The following TACR1 variants were observed in gnomAD, a reference collection of about 807,000 sequenced individuals.
TACR1 encodes the protein substance-P receptor.
A neutral mutation model predicts 35.8 loss-of-function variants in TACR1; 25 were observed. The ratio of observed to expected loss-of-function variants is 0.70; its 90% CI spans 0.51 to 0.98. TACR1 has a LOEUF of 0.98. TACR1 is among the 50% of genes least tolerant of loss of function. The pLI is 0.00. For synonymous variants in TACR1, 195 were observed against 206.7 expected (o/e 0.94, Z 0.48); for missense variants, 478 against 522.9 (o/e 0.91, Z 0.84).
intron 2 of TACR1, among the ~76,000 whole-genome samples, chr2:75,115,470 C>T (rs1361977474): frequency 6.6e-6 from 1 of 152,070 alleles, no homozygotes; most frequent in Admixed American, 6.5e-5. Flanking sequence ...AGATTTTATG[C>T]TATAGGTATT....
chr2:75,154,414 A>G (rs78101006), intron 1 of TACR1: 22,808 of 77,228 alleles, frequency 0.3, 5,040 homozygotes, highest in African/African-American at 0.48. Flanking sequence ...GCGCACGCAC[A>G]CACACACACA....
At chr2:75,063,801 A>C (rs1672712514) in intron 2 of TACR1, among the ~76,000 whole-genome samples, 1 of 152,236 alleles carries the variant, frequency 6.6e-6, no homozygotes, top group Admixed American at 6.5e-5. Flanking sequence ...GTAGGACTTT[A>C]ATCGTTGAAC....
chr2:75,195,659 T>C (rs1280517374), intron 1 of TACR1, among the ~76,000 whole-genome samples: 1 of 151,926 alleles, frequency 6.6e-6, no homozygotes, highest in Non-Finnish European at 1.5e-5. Context: ...TTGGGATCTA[T>C]CTTAAGAAAA....
At chr2:75,134,565 T>C (rs114063455) in intron 1 of TACR1, among the ~76,000 whole-genome samples, 3,660 of 152,170 alleles carry the variant, frequency 0.024, 60 homozygotes, top group Middle Eastern at 0.085. Context: ...GGAGGTGACA[T>C]TTGAATTTGA....
chr2:75,065,864 A>G (rs1042445590), intron 2 of TACR1, among the ~76,000 whole-genome samples: 1 of 152,126 alleles, frequency 6.6e-6, no homozygotes, highest in Non-Finnish European at 1.5e-5. Context: ...AAGCACTTAA[A>G]ATAATCAAAA....
intron 2 of TACR1, among the ~76,000 whole-genome samples, chr2:75,101,109 A>G (rs993103256): frequency 1.3e-5 from 2 of 152,180 alleles, no homozygotes; most frequent in Non-Finnish European, 2.9e-5. Flanking sequence ...CAGGCAGAGG[A>G]CAAGTTGATT....
At chr2:75,152,745 C>A (rs1233964350) in intron 1 of TACR1, among the ~76,000 whole-genome samples, 2 of 152,206 alleles carry the variant, frequency 1.3e-5, no homozygotes, top group Non-Finnish European at 2.9e-5. Flanking sequence ...TAGATCACAG[C>A]TCTCTTAGTC....
At chr2:75,064,145 C>G (rs1485444777) in intron 2 of TACR1, among the ~76,000 whole-genome samples, 2 of 151,782 alleles carry the variant, frequency 1.3e-5, no homozygotes, top group African/African-American at 2.4e-5. Context: ...GCTCAAGAGT[C>G]TGGGAATGCT....
intron 1 of TACR1, among the ~76,000 whole-genome samples, chr2:75,196,759 C>T (rs1676005169): frequency 6.6e-6 from 1 of 152,164 alleles, no homozygotes; most frequent in South Asian, 2.1e-4. Context: ...CCATCAGCTA[C>T]TGAATGCTCC....
At chr2:75,145,714 A>T (rs1002870540) in intron 1 of TACR1, among the ~76,000 whole-genome samples, 12 of 152,264 alleles carry the variant, frequency 7.9e-5, no homozygotes, top group Non-Finnish European at 1.8e-4. Flanking sequence ...AAGAAATAGA[A>T]ATTTGAGTAA....
At chr2:75,083,123 C>T (rs551114026) in intron 2 of TACR1, among the ~76,000 whole-genome samples, 9 of 152,282 alleles carry the variant, frequency 5.9e-5, no homozygotes, top group South Asian at 4.1e-4. Flanking sequence ...GGAAGGGATC[C>T]GGTTTCAGTT....
At chr2:75,179,886 T>C (rs1003344185) in intron 1 of TACR1, among the ~76,000 whole-genome samples, 7 of 152,162 alleles carry the variant, frequency 4.6e-5, no homozygotes, top group African/African-American at 1.7e-4. Context: ...GATAAAGCCA[T>C]TGAGATTTGG....
intron 1 of TACR1, among the ~76,000 whole-genome samples, chr2:75,186,240 C>T (rs1232389984): frequency 6.6e-6 from 1 of 151,812 alleles, no homozygotes; most frequent in Non-Finnish European, 1.5e-5. Flanking sequence ...GGTTTGGTGG[C>T]TCGCGCCTGT....
At chr2:75,138,018 G>T (rs1469678340) in intron 1 of TACR1, among the ~76,000 whole-genome samples, 1 of 152,176 alleles carries the variant, frequency 6.6e-6, no homozygotes, top group Non-Finnish European at 1.5e-5. Context: ...GGATAAAACG[G>T]CACTGACTCA....
chr2:75,095,132 T>C (rs1218563603), intron 2 of TACR1, among the ~76,000 whole-genome samples: 1 of 152,024 alleles, frequency 6.6e-6, no homozygotes, highest in Non-Finnish European at 1.5e-5. Context: ...CTGTGTTTAG[T>C]ACATGGTAAG....
intron 1 of TACR1, among the ~76,000 whole-genome samples, chr2:75,157,814 A>T (rs889326452): frequency 1.3e-5 from 2 of 152,252 alleles, no homozygotes; most frequent in Non-Finnish European, 2.9e-5. Flanking sequence ...AGATGTGGGA[A>T]ATAGACTGAA....
At chr2:75,102,720 A>C (rs1323975090) in intron 2 of TACR1, among the ~76,000 whole-genome samples, 1 of 152,182 alleles carries the variant, frequency 6.6e-6, no homozygotes, top group African/African-American at 2.4e-5. Context: ...ATTTATACCC[A>C]ATCAAGCAGC....
chr2:75,051,269 TAGA>T lies in TACR1; in HGVS notation c.911_913del (p.Ile304_Tyr305delinsAsn). The T allele has an allele frequency of 6.2e-7, 1 of 1,614,108 alleles. No individual in the cohort carries two copies. The highest frequency in any genetic ancestry group is 2.2e-5 in the East Asian group (1 of 44,868). ...TCCTCACCTGTCATTGAGGCAGCAG[TAGA>T]TGATGGGGTTGTACATGGTGGAGCT... On this transcript the variant is annotated inframe_deletion, in exon 4 of 5. Coordinates refer to ENST00000305249, the MANE Select transcript of TACR1 (RefSeq NM_001058.4).
At chr2:75,058,322 G>A (rs989949739) in intron 2 of TACR1, among the ~76,000 whole-genome samples, 2 of 152,088 alleles carry the variant, frequency 1.3e-5, no homozygotes, top group Non-Finnish European at 2.9e-5. Flanking sequence ...GTATATATTT[G>A]TTAAAATCAT....
Sources: allele counts gnomAD v4.1 joint callset (sites outside exome capture counted in the v4.1 genomes callset), GRCh38; gene constraint gnomAD v4.1.1; transcripts MANE v1.5; gene names NCBI Gene and HGNC (gene_info 2026-07-23, HGNC 2026-07-21).